ZW10: variants seen among roughly 807,000 people sequenced by gnomAD.
ZW10 encodes centromere/kinetochore protein zw10 homolog.
Under a neutral mutation model 87.8 loss-of-function variants are expected in ZW10, and 53 were observed. The ratio of observed to expected loss-of-function variants is 0.60; its 90% CI spans 0.48 to 0.76. ZW10 has a LOEUF of 0.76. Ranked by LOEUF, ZW10 falls within the 30% of genes least tolerant of loss-of-function variation. The probability of loss-of-function intolerance (pLI) is 0.00; values close to 1 mark genes in which losing one functional copy is unlikely to be tolerated. For synonymous variants in ZW10, 312 were observed against 329.2 expected (o/e 0.95, Z 0.57); for missense variants, 837 against 923.0 (o/e 0.91, Z 1.21).
In ZW10 at chr11:113,748,237, G is replaced by C. The variant is rs760767553; in HGVS notation, c.1089+20C>G. 1 of 1,597,198 alleles carries C rather than the reference G, an allele frequency of 6.3e-7. No homozygotes were observed. The highest frequency in any genetic ancestry group is 8.5e-7 in the Non-Finnish European group (1 of 1,174,294). ...AAACAACAGTGTCTTAAAACCTTCT[G>C]TGCTGTCTGGGCTCTTTACCTCTTC... On this transcript the variant is annotated intron_variant, in intron 8 of 15. Coordinates refer to ENST00000200135, the MANE Select transcript of ZW10 (RefSeq NM_004724.4).
At chr11:113,771,924 A>G (rs1306167400) in intron 1 of ZW10, among the ~76,000 whole-genome samples, 1 of 152,238 alleles carries the variant, frequency 6.6e-6, no homozygotes, top group Non-Finnish European at 1.5e-5. Context: ...CCTACGTAGT[A>G]AAGATACTAT....
Position 113,737,640 on chromosome 11 carries a change from A to AAT in ZW10, c.1946_1947dup (p.Cys650IlefsTer23). On this transcript the variant is annotated frameshift_variant, in exon 14 of 16. Coordinates refer to ENST00000200135, the MANE Select transcript of ZW10 (RefSeq NM_004724.4). LOFTEE classifies it high-confidence loss of function. ...TTGAGTAAAGTCCCCATAGCCTTGC[A>AAT]ATATATATTCACTGGCAGGACATCC... The AAT allele has an allele frequency of 1.9e-6, 3 of 1,613,666 alleles. No individual in the cohort carries two copies. Among genetic ancestry groups the AAT allele is most frequent in the Non-Finnish European group, 2.5e-6 (3 of 1,179,674 alleles).
At chr11:113,773,019 T>G in intron 1 of ZW10, among the ~76,000 whole-genome samples, 1 of 136,326 alleles carries the variant, frequency 7.3e-6, no homozygotes, top group Non-Finnish European at 1.7e-5. Context: ...TACTGAGGGT[T>G]TGGGTTTGTT....
At chr11:113,737,924 A>G (rs1953571429) in intron 13 of ZW10, among the ~76,000 whole-genome samples, 1 of 152,232 alleles carries the variant, frequency 6.6e-6, no homozygotes, top group Non-Finnish European at 1.5e-5. Flanking sequence ...TGCAGCAAAA[A>G]AGATAAATCA....
intron 9 of ZW10, 47 bp downstream of exon 9, chr11:113,747,484 T>C: frequency 2.6e-6 from 4 of 1,510,408 alleles, no homozygotes; most frequent in Non-Finnish European, 3.6e-6. Context: ...AATGAGTTGC[T>C]TTCTCATATA....
intron 2 of ZW10, among the ~76,000 whole-genome samples, chr11:113,763,502 A>G (rs1267012728): frequency 6.6e-6 from 1 of 152,112 alleles, no homozygotes; most frequent in African/African-American, 2.4e-5. Flanking sequence ...AAACGTTCCT[A>G]TTTCTCCACA....
In ZW10 at chr11:113,736,642, T is replaced by C. The variant is rs142554061; in HGVS notation, c.2197A>G (p.Ser733Gly). Residue 733 changes from serine to glycine, a missense_variant, in exon 15 of 16, where the codon AGC becomes GGC. Coordinates refer to ENST00000200135, the MANE Select transcript of ZW10 (RefSeq NM_004724.4). Reference protein sequence around the residue: ...FKELMMMLQASLQEIGDRWAD... With the variant: ...FKELMMMLQAGLQEIGDRWAD... ...TACCGATCCCCAATTTCTTGCAAGC[T>C]GGCTTGTAGCATCATCATCAATTCC... 19 of 1,614,116 alleles carry C rather than the reference T, an allele frequency of 1.2e-5. No homozygotes were observed. Among genetic ancestry groups the C allele is most frequent in the Non-Finnish European group, 1.4e-5 (16 of 1,180,038 alleles).
intron 14 of ZW10, 128 bp downstream of exon 14, chr11:113,737,444 A>AG: frequency 2.3e-6 from 2 of 875,884 alleles, no homozygotes; most frequent in Non-Finnish European, 3.1e-6. Context: ...ACAAAACTGA[A>AG]AAAAAAAAAA....
At chr11:113,759,619 T>C (rs1226730060) in intron 5 of ZW10, among the ~76,000 whole-genome samples, 7 of 152,096 alleles carry the variant, frequency 4.6e-5, no homozygotes, top group Non-Finnish European at 7.4e-5. Context: ...TACCCAGAGG[T>C]AGGCAGAAAG....
At chr11:113,749,998 T>C (rs1289040026) in intron 7 of ZW10, among the ~76,000 whole-genome samples, 3 of 152,228 alleles carry the variant, frequency 2.0e-5, no homozygotes, top group African/African-American at 7.2e-5. Context: ...ATTTTATGCA[T>C]AGAGCGCAAG....
chr11:113,763,873 A>G (rs1407115184), intron 2 of ZW10, among the ~76,000 whole-genome samples: 2 of 152,124 alleles, frequency 1.3e-5, no homozygotes, highest in African/African-American at 2.4e-5. Context: ...ATTAGATCCC[A>G]TTTGTCAATT....
chr11:113,758,555 A>T lies in ZW10; in HGVS notation c.732T>A (p.Phe244Leu). 1 of 1,613,136 alleles carries T rather than the reference A, an allele frequency of 6.2e-7. No individual in the cohort carries two copies. Among genetic ancestry groups the T allele is most frequent in the Non-Finnish European group, 8.5e-7 (1 of 1,179,704 alleles). The change falls in exon 6 of 16, where the codon TTT becomes TTA. Residue 244 changes from phenylalanine to leucine, a missense_variant and splice_region_variant. By Grantham distance (22) the Phe-to-Leu change is conservative (BLOSUM62 0). Transcript: ENST00000200135. ...ATGAAACAAAGTAGCATGCCTTACC[A>T]AATGATTTAAGCTTGCTGTGTAGTT... is the stretch of plus-strand genomic sequence containing the variant. ...LGELHSKLKS[F>L]GQMLLKYILR...
intron 9 of ZW10, among the ~76,000 whole-genome samples, chr11:113,746,515 A>C (rs940896552): frequency 7.8e-6 from 1 of 127,926 alleles, no homozygotes; most frequent in Admixed American, 9.7e-5. Context: ...AAAAAAAAAA[A>C]CAACAACAAA....
At position 113,766,665 on chromosome 11, in the gene ZW10, C is replaced by T. The variant is rs539866133; in HGVS notation, c.240+2168G>A. Among the ~76,000 whole-genome samples the T allele has an allele frequency of 3.3e-5, 3 of 90,314 alleles. No individual in the cohort carries two copies. In the East Asian group the frequency reaches 9.3e-4, roughly 28 times the overall value. The allele number at this position is 90,314 out of a possible 152,430, so 59.2% of individuals were successfully genotyped here. ...CTTCAGCCTGGGTGACAGAGCGAGA[C>T]TCCATCTCAAAAAAAAAAAAAAAAA... On this transcript the variant is annotated intron_variant, in intron 2 of 15. Coordinates refer to ENST00000200135, the MANE Select transcript of ZW10 (RefSeq NM_004724.4).
intron 1 of ZW10, among the ~76,000 whole-genome samples, chr11:113,770,828 GAA>G (rs796466689): frequency 1.2e-5 from 1 of 84,254 alleles, no homozygotes. Flanking sequence ...CCTCAAAAAA[GAA>G]AAAAAAAAAA....
At chr11:113,766,543 G>A (rs557504265) in intron 2 of ZW10, among the ~76,000 whole-genome samples, 100 of 150,290 alleles carry the variant, frequency 6.7e-4, no homozygotes, top group Non-Finnish European at 1.2e-3. Flanking sequence ...GTGTGGTGGC[G>A]GGTGCCTATA....
intron 8 of ZW10, among the ~76,000 whole-genome samples, chr11:113,748,051 A>G (rs76274106): frequency 0.085 from 12,935 of 152,250 alleles, 592 homozygotes; most frequent in Middle Eastern, 0.17. Context: ...CATAAAGAAA[A>G]TATATTTAGT....
intron 9 of ZW10, 35 bp downstream of exon 9, chr11:113,747,496 A>G: frequency 1.3e-6 from 2 of 1,550,560 alleles, no homozygotes; most frequent in Non-Finnish European, 1.8e-6. Context: ...TCTCATATAC[A>G]ATGTTTCATA....
At chr11:113,756,008 T>C (rs981566905) in intron 7 of ZW10, among the ~76,000 whole-genome samples, 1 of 152,186 alleles carries the variant, frequency 6.6e-6, no homozygotes, top group African/African-American at 2.4e-5. Context: ...TAAAAAAATT[T>C]GTGGGACTCG....
Sources: allele counts gnomAD v4.1 joint callset (sites outside exome capture counted in the v4.1 genomes callset), GRCh38; gene constraint gnomAD v4.1.1; transcripts MANE v1.5; gene names NCBI Gene and HGNC (gene_info 2026-07-23, HGNC 2026-07-21).